HSF2BP: variants seen among roughly 807,000 people sequenced by gnomAD.
HSF2BP encodes heat shock factor 2-binding protein.
In HSF2BP, 35 loss-of-function variants were observed where a neutral mutation model predicts 35.0. That is an observed-to-expected ratio of 1.00 (90% CI 0.76 to 1.32). HSF2BP has a LOEUF of 1.32. Among genes scored for constraint, HSF2BP ranks in the 40% most tolerant of loss-of-function variants. The pLI is 0.00. For synonymous variants in HSF2BP, 114 were observed against 117.4 expected (o/e 0.97, Z 0.18); for missense variants, 326 against 321.7 (o/e 1.01, Z -0.10).
chr21:43,646,851 G>A (rs2082715394), intron 3 of HSF2BP, among the ~76,000 whole-genome samples: 2 of 152,178 alleles, frequency 1.3e-5, no homozygotes. Context: ...GTGGCCAGAT[G>A]GGAGCATTGC....
chr21:43,646,423 A>G (rs2082709438), intron 3 of HSF2BP, among the ~76,000 whole-genome samples: 1 of 152,224 alleles, frequency 6.6e-6, no homozygotes, highest in African/African-American at 2.4e-5. Flanking sequence ...AATACCACCT[A>G]TGGTCACAGA....
intron 8 of HSF2BP, among the ~76,000 whole-genome samples, chr21:43,579,991 G>A (rs1474891047): frequency 6.6e-6 from 1 of 152,178 alleles, no homozygotes; most frequent in African/African-American, 2.4e-5. Context: ...GGAGGAGAGG[G>A]GCCAGCCTGC....
chr21:43,630,497 C>G (rs748388677), intron 5 of HSF2BP, 43 bp from the exon 6 acceptor site: 2 of 1,576,358 alleles, frequency 1.3e-6, no homozygotes, highest in South Asian at 2.4e-5. Flanking sequence ...TTTACAGACA[C>G]TAGTGTGAAA....
At chr21:43,622,503 C>T (rs1256942873) in intron 6 of HSF2BP, among the ~76,000 whole-genome samples, 1 of 151,578 alleles carries the variant, frequency 6.6e-6, no homozygotes, top group Non-Finnish European at 1.5e-5. Context: ...CAACTGGAAA[C>T]CAAAAAAAAC....
chr21:43,589,353 G>T (rs951408985), intron 8 of HSF2BP, among the ~76,000 whole-genome samples: 1 of 152,098 alleles, frequency 6.6e-6, no homozygotes, highest in Admixed American at 6.5e-5. Flanking sequence ...CTTGTGTCTC[G>T]ACAATATCTA....
intron 6 of HSF2BP, among the ~76,000 whole-genome samples, chr21:43,627,828 A>C (rs1008551067): frequency 1.3e-5 from 2 of 152,212 alleles, no homozygotes; most frequent in African/African-American, 4.8e-5. Flanking sequence ...CCATTTTTCC[A>C]ACAGTGTGTG....
At chr21:43,640,703 A>C (rs2082624643) in intron 4 of HSF2BP, among the ~76,000 whole-genome samples, 1 of 152,200 alleles carries the variant, frequency 6.6e-6, no homozygotes, top group African/African-American at 2.4e-5. Context: ...AAGGGTATAG[A>C]TAACTTCCCT....
At chr21:43,650,949 C>A (rs896868614) in intron 3 of HSF2BP, among the ~76,000 whole-genome samples, 2 of 152,156 alleles carry the variant, frequency 1.3e-5, no homozygotes, top group Non-Finnish European at 2.9e-5. Flanking sequence ...CTCAAGTGAT[C>A]TGCCAGCCTT....
chr21:43,620,590 G>A (rs2082320147), intron 6 of HSF2BP, among the ~76,000 whole-genome samples: 1 of 152,158 alleles, frequency 6.6e-6, no homozygotes, highest in Admixed American at 6.5e-5. Context: ...ACCTACTCAG[G>A]AGGCTGAGGT....
At chr21:43,632,114 C>CACAT (rs2082475464) in intron 5 of HSF2BP, among the ~76,000 whole-genome samples, 1 of 59,556 alleles carries the variant, frequency 1.7e-5, no homozygotes. Context: ...CCCACACACA[C>CACAT]GCTCCCCCAA....
Position 43,633,713 on chromosome 21 carries a change from C to T in HSF2BP, c.292-292G>A, listed in dbSNP as rs537116794. Among the ~76,000 whole-genome samples, 145 of 152,274 alleles carry T rather than the reference C, an allele frequency of 9.5e-4. 1 individual carries two copies. The highest frequency in any genetic ancestry group is 4.7e-3 in the Admixed American group (72 of 15,302). ...AAGTAACTACATGAAATATCTCAAG[C>T]CCCAAGTAACTATACCCAGAACCAG... is the stretch of plus-strand genomic sequence containing the variant. On this transcript the variant is annotated intron_variant, in intron 4 of 8. Transcript: ENST00000291560.
intron 6 of HSF2BP, among the ~76,000 whole-genome samples, chr21:43,619,283 G>A (rs549174301): frequency 6.6e-6 from 1 of 152,246 alleles, no homozygotes; most frequent in Admixed American, 6.5e-5. Context: ...TCATATCTCT[G>A]ATAAGGTACT....
chr21:43,644,622 G>A (rs2082684503), intron 3 of HSF2BP, among the ~76,000 whole-genome samples: 1 of 152,174 alleles, frequency 6.6e-6, no homozygotes, highest in South Asian at 2.1e-4. Context: ...GTTGTTTTCT[G>A]TTTTGTGTTT....
the HSF2BP span, among the ~76,000 whole-genome samples, chr21:43,496,253 C>T: frequency 1.2e-5 from 1 of 86,130 alleles, no homozygotes. Flanking sequence ...TATACGCTAA[C>T]AAATGGCAAC....
intron 7 of HSF2BP, among the ~76,000 whole-genome samples, chr21:43,613,294 G>A (rs2146919531): frequency 6.6e-6 from 1 of 152,222 alleles, no homozygotes; most frequent in Admixed American, 6.5e-5. Context: ...CAGGGAACTC[G>A]CTCCTAGAAA....
chr21:43,603,870 T>G (rs1417188545), intron 7 of HSF2BP, among the ~76,000 whole-genome samples: 2 of 152,186 alleles, frequency 1.3e-5, no homozygotes, highest in African/African-American at 4.8e-5. Context: ...ATGTCCCATG[T>G]ACAACCCTAT....
At chr21:43,584,991 T>TTTAA in intron 8 of HSF2BP, among the ~76,000 whole-genome samples, 1 of 152,038 alleles carries the variant, frequency 6.6e-6, no homozygotes, top group African/African-American at 2.4e-5. Context: ...TATAATTTTA[T>TTTAA]TTAATTATTT....
At chr21:43,583,860 GCCTGCTGAGGGAGATGAAGA>G (rs1355121973) in intron 8 of HSF2BP, among the ~76,000 whole-genome samples, 1,449 of 128,408 alleles carry the variant, frequency 0.011, 22 homozygotes, top group Non-Finnish European at 0.015. Context: ...GAGATGAAGG[GCCTGCTGAGGGAGATGAAGA>G]CCTGCTGAGG....
intron 8 of HSF2BP, among the ~76,000 whole-genome samples, chr21:43,590,703 A>T (rs1482695374): frequency 6.6e-6 from 1 of 152,252 alleles, no homozygotes; most frequent in East Asian, 1.9e-4. Context: ...CAAAATCAAC[A>T]TGGATGGATC....
Sources: gnomAD v4.1 joint callset for allele counts (sites outside exome capture counted in the v4.1 genomes callset) on GRCh38, gnomAD v4.1.1 for gene constraint, MANE v1.5 for transcripts, NCBI Gene and HGNC (gene_info 2026-07-23, HGNC 2026-07-21) for gene names.